SLC25A30: variants seen among roughly 807,000 people sequenced by gnomAD.
SLC25A30 encodes solute carrier family 25 member 30.
SLC25A30 carries 29 observed loss-of-function variants against 42.7 expected under a neutral mutation model. That is an observed-to-expected ratio of 0.68 (90% CI 0.51 to 0.93). SLC25A30 has a LOEUF of 0.93. Ranked by LOEUF, SLC25A30 falls within the 40% of genes least tolerant of loss-of-function variation. SLC25A30 has a pLI of 0.00. For synonymous variants in SLC25A30, 124 were observed against 131.0 expected (o/e 0.95, Z 0.37); for missense variants, 300 against 359.7 (o/e 0.83, Z 1.34).
At chr13:45,431,581 A>T in the SLC25A30 span, among the ~76,000 whole-genome samples, 24 of 24 alleles carry the variant, frequency 1, 12 homozygotes, top group Non-Finnish European at 1. Flanking sequence ...GATGGGTTTC[A>T]CCATCTTGGC....
At chr13:45,418,412 T>C (rs1353912090), upstream of SLC25A30, 2 of 151,486 alleles carry the variant, frequency 1.3e-5, no homozygotes, top group African/African-American at 4.8e-5. Flanking sequence ...CCCACGAGCC[T>C]GCACGCAGCC....
chr13:45,400,027 T>TAC (rs1226863696), intron 7 of SLC25A30, among the ~76,000 whole-genome samples: 1 of 124,350 alleles, frequency 8.0e-6, no homozygotes, highest in East Asian at 2.5e-4. Flanking sequence ...TATATATATA[T>TAC]ATATATACAC....
the SLC25A30 span, among the ~76,000 whole-genome samples, chr13:45,423,514 A>C: frequency 8.3e-6 from 1 of 120,822 alleles, no homozygotes; most frequent in Admixed American, 1.0e-4. Flanking sequence ...AATAGTTTAT[A>C]TATATATACA....
the SLC25A30 span, among the ~76,000 whole-genome samples, chr13:45,429,221 A>T: frequency 2.6e-5 from 4 of 151,412 alleles, no homozygotes; most frequent in African/African-American, 9.7e-5. Flanking sequence ...GGCATGTGTC[A>T]CCACACCTGG....
chr13:45,424,630 TATGTATATAA>T, the SLC25A30 span, among the ~76,000 whole-genome samples: 1 of 51,666 alleles, frequency 1.9e-5, no homozygotes, highest in Admixed American at 3.4e-4. Context: ...TATATATAAA[TATGTATATAA>T]ACATAAATAT....
the SLC25A30 span, among the ~76,000 whole-genome samples, chr13:45,429,399 C>T: frequency 6.6e-6 from 1 of 152,028 alleles, no homozygotes; most frequent in East Asian, 1.9e-4. Flanking sequence ...TGACCTCTTT[C>T]ATGTATGTGT....
In SLC25A30 at chr13:45,406,115, C is replaced by T. The variant is rs554471411; in HGVS notation, c.213-138G>A. ...TTTTTTTTTTTGAGACGGAGTTTCG[C>T]TCTGTCACCCAGGCTGGAGTGCAAT... On this transcript the variant is annotated intron_variant, in intron 3 of 9. Coordinates refer to ENST00000519676, the MANE Select transcript of SLC25A30 (RefSeq NM_001010875.4). The T allele has an allele frequency of 1.3e-4, 86 of 665,420 alleles. No homozygotes were observed. The East Asian group carries it at 2.3e-3, about 18-fold the overall frequency. 41.2% of individuals were successfully genotyped at this position (665,420 alleles called of 1,614,324 possible).
At chr13:45,406,089 T>TC in intron 3 of SLC25A30, 112 bp from the exon 4 acceptor site, 1 of 378,490 alleles carries the variant, frequency 2.6e-6, no homozygotes, top group East Asian at 7.1e-5. Flanking sequence ...TCTAAAACAA[T>TC]TTTTTTTTTT....
the SLC25A30 span, among the ~76,000 whole-genome samples, chr13:45,424,688 T>A: frequency 1.6e-5 from 1 of 63,596 alleles, no homozygotes; most frequent in South Asian, 4.8e-4. Context: ...TATATATAGA[T>A]ATATATAAAG....
the SLC25A30 span, among the ~76,000 whole-genome samples, chr13:45,424,504 A>AATATATAT: frequency 4.4e-3 from 163 of 37,270 alleles, 5 homozygotes; most frequent in African/African-American, 0.015. Flanking sequence ...TAAATATATA[A>AATATATAT]AAATATATAT....
chr13:45,425,329 T>G, the SLC25A30 span, among the ~76,000 whole-genome samples: 1 of 108,272 alleles, frequency 9.2e-6, no homozygotes, highest in African/African-American at 3.7e-5. Flanking sequence ...TATATGTAAC[T>G]ATATATAAGT....
chr13:45,401,310 A>G (rs1317504588), intron 6 of SLC25A30, 103 bp from the exon 7 acceptor site: 1 of 1,239,638 alleles, frequency 8.1e-7, no homozygotes, highest in Non-Finnish European at 1.1e-6. Context: ...ATCAAGGTTT[A>G]TCTTTTCCTC....
intron 4 of SLC25A30, 31 bp from the exon 5 acceptor site, chr13:45,404,443 C>T (rs1218746859): frequency 6.8e-7 from 1 of 1,480,922 alleles, no homozygotes; most frequent in Non-Finnish European, 9.4e-7. Context: ...TTTGACTCTA[C>T]ATATTTAGAG....
the SLC25A30 span, among the ~76,000 whole-genome samples, chr13:45,425,420 G>T: frequency 3.7e-5 from 4 of 108,202 alleles, no homozygotes; most frequent in East Asian, 7.6e-4. Context: ...AAATATATAA[G>T]TATATATAAA....
At position 45,395,331 on chromosome 13, in the gene SLC25A30, A is replaced by G. The variant is rs1365456582; in HGVS notation, c.*643T>C. On this transcript the variant is annotated 3_prime_UTR_variant, in exon 10 of 10. Transcript: ENST00000519676. The stretch of plus-strand genomic sequence containing the variant: ...ACATAACACCACCACGAATTTAGAG[A>G]TTATTACTTTGTAACAATTTCTCAC... 5 of 986,682 alleles carry G rather than the reference A, an allele frequency of 5.1e-6. No homozygotes were observed. The East Asian group carries it at 4.5e-4, about 89-fold the overall frequency. The allele number at this position is 986,682 out of a possible 1,614,324, so 61.1% of individuals were successfully genotyped here.
Position 45,397,326 on chromosome 13 carries a change from C to T in SLC25A30, c.766G>A (p.Glu256Lys). The T allele has an allele frequency of 6.2e-7, 1 of 1,609,804 alleles. No homozygotes were observed. Among genetic ancestry groups the T allele is most frequent in the Non-Finnish European group, 8.5e-7 (1 of 1,176,704 alleles). ...CCTTTATAGAGAGCAAAAAACCCTTCATTCTTCCATGTCTGTTAAAAGAAG... is the reference window on the plus strand; with the variant it reads ...CCTTTATAGAGAGCAAAAAACCCTTTATTCTTCCATGTCTGTTAAAAGAAG... ...LDCLLQTWKN[E>K]GFFALYKGFW... The change falls in exon 9 of 10, where the codon GAA becomes AAA. Residue 256 changes from glutamate (E) to lysine (K), a missense_variant. Physicochemically the swap from Glu to Lys is moderately conservative, Grantham distance 56. Coordinates refer to ENST00000519676, the MANE Select transcript of SLC25A30 (RefSeq NM_001010875.4).
chr13:45,423,444 A>T (rs1402399259), upstream of SLC25A30, among the ~76,000 whole-genome samples: 1 of 144,444 alleles, frequency 6.9e-6, no homozygotes, highest in Admixed American at 7.5e-5. Context: ...AGGGTTAGCA[A>T]ATTATGGTCC....
the SLC25A30 span, among the ~76,000 whole-genome samples, chr13:45,430,494 T>C: frequency 6.6e-6 from 1 of 152,296 alleles, no homozygotes; most frequent in Admixed American, 6.5e-5. Flanking sequence ...GCAAAAGCCC[T>C]GTAGAACAAT....
chr13:45,423,231 C>G (rs1406437809), upstream of SLC25A30, among the ~76,000 whole-genome samples: 4 of 151,802 alleles, frequency 2.6e-5, no homozygotes, highest in Non-Finnish European at 4.4e-5. Context: ...CTGTCCCTTC[C>G]CATTGATATT....
Sources: gnomAD v4.1 joint callset for allele counts (sites outside exome capture counted in the v4.1 genomes callset) on GRCh38, gnomAD v4.1.1 for gene constraint, MANE v1.5 for transcripts, NCBI Gene and HGNC (gene_info 2026-07-23, HGNC 2026-07-21) for gene names.